Variants in PCDHA10 observed in about 807,000 individuals in gnomAD.
The protein encoded by PCDHA10 is protocadherin alpha-10.
PCDHA10 carries 45 observed loss-of-function variants against 61.2 expected under a neutral mutation model. The ratio of observed to expected loss-of-function variants is 0.74; its 90% CI spans 0.58 to 0.94. The LOEUF (loss-of-function observed/expected upper bound fraction) is 0.94. Among genes scored for constraint, PCDHA10 ranks in the 40% least tolerant of loss-of-function variants. PCDHA10 has a pLI of 0.00. For synonymous variants in PCDHA10, 602 were observed against 548.8 expected, an observed-to-expected ratio of 1.10 and a Z score of -1.35; for missense variants, 1,278 against 1,236.2, an observed-to-expected ratio of 1.03 and a Z score of -0.51.
In PCDHA10 at chr5:140,879,783, G is replaced by C. The variant is rs182330190; in HGVS notation, c.2388+21347G>C. Among the ~76,000 whole-genome samples, 12 of 152,280 alleles carry C rather than the reference G, an allele frequency of 7.9e-5. No homozygotes were observed. In the East Asian group the frequency reaches 2.3e-3, roughly 29 times the overall value. ...TTTGGAGGCCCCAGGGAAGAATCTGGTTTTTGTTTCTTCCAGTTTCTATTG... is the reference window on the plus strand; with the variant it reads ...TTTGGAGGCCCCAGGGAAGAATCTGCTTTTTGTTTCTTCCAGTTTCTATTG... On this transcript the variant is annotated intron_variant, in intron 1 of 3. Coordinates refer to ENST00000307360, the MANE Select transcript of PCDHA10 (RefSeq NM_018901.4).
chr5:140,953,858 T>C (rs568873240), intron 1 of PCDHA10, among the ~76,000 whole-genome samples: 10 of 152,328 alleles, frequency 6.6e-5, no homozygotes, highest in African/African-American at 1.9e-4. Flanking sequence ...TGTGCCATGG[T>C]GGTTTGCTGC....
At chr5:140,966,808 A>G (rs782040625) in intron 1 of PCDHA10, 5 of 1,548,024 alleles carry the variant, frequency 3.2e-6, no homozygotes, top group Non-Finnish European at 4.3e-6. Context: ...CAGAGCATCC[A>G]CGGCTCCGGC....
chr5:140,904,082 C>T (rs1189911248), intron 1 of PCDHA10, among the ~76,000 whole-genome samples: 3 of 152,108 alleles, frequency 2.0e-5, no homozygotes, highest in African/African-American at 7.2e-5. Context: ...TATTTGGTTA[C>T]ATGAATAACT....
Position 140,966,822 on chromosome 5 carries a change from C to A in PCDHA10, c.2389-12127C>A, listed in dbSNP as rs1329460642. 9 of 1,558,948 alleles carry A rather than the reference C, an allele frequency of 5.8e-6. No individual in the cohort carries two copies. In the Admixed American group the frequency reaches 7.5e-5, roughly 13 times the overall value. On this transcript the variant is annotated intron_variant, in intron 1 of 3. Transcript: ENST00000307360. ...ACAGAGCATCCACGGCTCCGGCGGC[C>A]CATGCCCTGGCTGCTGCTACTGCCT... is the stretch of plus-strand genomic sequence containing the variant.
chr5:140,906,720 G>A (rs2072884338), intron 1 of PCDHA10, among the ~76,000 whole-genome samples: 1 of 152,182 alleles, frequency 6.6e-6, no homozygotes, highest in African/African-American at 2.4e-5. Context: ...CCTGGATTGT[G>A]CTGTTGTAGT....
chr5:141,011,626 C>T lies in PCDHA10; in HGVS notation c.*1689C>T, dbSNP rs1340546254. 6.5e-6 allele frequency: 1 copy of T among 153,668 alleles called. No individual in the cohort carries two copies. Among genetic ancestry groups the T allele is most frequent in the Non-Finnish European group, 1.5e-5 (1 of 68,026 alleles). The allele number at this position is 153,668 out of a possible 1,614,324, so 9.5% of individuals were successfully genotyped here. On this transcript the variant is annotated 3_prime_UTR_variant, in exon 4 of 4. Transcript: ENST00000307360. Reference sequence around the variant, plus strand: ...ATTTTATTTATGGTCCAGCCAAGAGCCATCTCGTGCCAAGACTTCTGCTGG... The same window carrying T: ...ATTTTATTTATGGTCCAGCCAAGAGTCATCTCGTGCCAAGACTTCTGCTGG...
At chr5:140,927,641 CTG>C (rs782418145) in intron 1 of PCDHA10, 23 of 1,614,074 alleles carry the variant, frequency 1.4e-5, no homozygotes, top group Non-Finnish European at 1.4e-5. Flanking sequence ...CCCAATGGGA[CTG>C]TGTTATTCCG....
At chr5:140,877,317 G>A (rs535177109) in intron 1 of PCDHA10, 1 of 1,613,886 alleles carries the variant, frequency 6.2e-7, no homozygotes. Context: ...AACCGGCGGC[G>A]GTCGGCGCGC....
intron 1 of PCDHA10, among the ~76,000 whole-genome samples, chr5:140,943,273 A>G (rs1451221832): frequency 1.3e-5 from 2 of 150,472 alleles, no homozygotes; most frequent in East Asian, 1.9e-4. Flanking sequence ...AAAAAAAAAA[A>G]AAAAGAAAGA....
intron 1 of PCDHA10, among the ~76,000 whole-genome samples, chr5:140,908,256 A>T (rs192899359): frequency 6.6e-6 from 1 of 152,130 alleles, no homozygotes; most frequent in Non-Finnish European, 1.5e-5. Context: ...AACTGATCAT[A>T]GGGAACTCCC....
intron 1 of PCDHA10, among the ~76,000 whole-genome samples, chr5:140,975,707 A>C (rs1445809800): frequency 6.6e-6 from 1 of 152,204 alleles, no homozygotes; most frequent in African/African-American, 2.4e-5. Context: ...ATTTTACTTT[A>C]AATCTTAGAA....
intron 1 of PCDHA10, chr5:140,866,579 G>A (rs2049440989): frequency 6.6e-6 from 1 of 152,136 alleles, no homozygotes; most frequent in African/African-American, 2.4e-5. Context: ...ACAGTGGTTG[G>A]ATAATGTAAT....
chr5:140,884,798 A>C, intron 1 of PCDHA10: 3 of 1,275,332 alleles, frequency 2.4e-6, no homozygotes, highest in Non-Finnish European at 3.2e-6. Flanking sequence ...TATCGAATTT[A>C]ACAACTCTGC....
intron 1 of PCDHA10, among the ~76,000 whole-genome samples, chr5:140,920,583 C>T (rs1287573835): frequency 1.3e-5 from 2 of 152,106 alleles, no homozygotes; most frequent in African/African-American, 4.8e-5. Flanking sequence ...CAGTGGCTCA[C>T]GCCTGTAATC....
intron 1 of PCDHA10, among the ~76,000 whole-genome samples, chr5:140,925,071 C>T (rs1554202476): frequency 6.8e-6 from 1 of 148,058 alleles, no homozygotes; most frequent in Non-Finnish European, 1.5e-5. Context: ...CAAAGCAACA[C>T]GCTCATCTGG....
In PCDHA10 at chr5:141,010,365, A is replaced by G; in HGVS notation, c.*428A>G. 6.8e-7 allele frequency: 1 copy of G among 1,480,028 alleles called. No individual in the cohort carries two copies. The highest frequency in any genetic ancestry group is 1.3e-5 in the South Asian group (1 of 75,134). The allele number at this position is 1,480,028 out of a possible 1,614,324, so 91.7% of individuals were successfully genotyped here. On this transcript the variant is annotated 3_prime_UTR_variant, in exon 4 of 4. Coordinates refer to ENST00000307360, the MANE Select transcript of PCDHA10 (RefSeq NM_018901.4). Reference sequence around the variant, plus strand: ...CTGGGTATGTGTGGCTACCGCGGGTATGCGAGTGCCAGATATTGGCTGAGA... The same window carrying G: ...CTGGGTATGTGTGGCTACCGCGGGTGTGCGAGTGCCAGATATTGGCTGAGA...
In PCDHA10 at chr5:140,858,296, C is replaced by A; in HGVS notation, c.2248C>A (p.Gln750Lys). The A allele has an allele frequency of 1.3e-6, 2 of 1,597,508 alleles. No homozygotes were observed. Among genetic ancestry groups the A allele is most frequent in the Non-Finnish European group, 1.7e-6 (2 of 1,167,240 alleles). The change falls in exon 1 of 4, where the codon CAG (glutamine) becomes AAG (lysine). Residue 750 changes from glutamine (Q) to lysine (K), a missense_variant. Transcript: ENST00000307360. ...SSAVGSWSYSQQRRQRVCSGE... is the reference protein window; with the variant it reads ...SSAVGSWSYSKQRRQRVCSGE... ...CGCGGTGGGGAGCTGGTCTTACTCG[C>A]AGCAGAGGCGGCAGAGGGTGTGTTC...
intron 1 of PCDHA10, among the ~76,000 whole-genome samples, chr5:140,889,476 C>G (rs2062241146): frequency 6.6e-6 from 1 of 152,054 alleles, no homozygotes; most frequent in South Asian, 2.1e-4. Flanking sequence ...TATGCTCATA[C>G]TTTCTACAGA....
At position 140,856,362 on chromosome 5, in the gene PCDHA10, T is replaced by A; in HGVS notation, c.314T>A (p.Leu105Gln). 1.9e-6 allele frequency: 3 copies of A among 1,598,570 alleles called. No homozygotes were observed. Among genetic ancestry groups the A allele is most frequent in the Non-Finnish European group, 2.6e-6 (3 of 1,167,978 alleles). The change falls in exon 1 of 4, where the codon CTG (leucine) becomes CAG (glutamine). Residue 105 changes from leucine to glutamine, a missense_variant. By Grantham distance (113) the Leu-to-Gln change is moderately radical. Transcript: ENST00000307360. ...CGGAGCGTGGAGTGCAGCATCCACC[T>A]GGAGGTGATCGTGGACAGGCCGCTG... ...CGRSVECSIHLEVIVDRPLQV... is the reference protein window; with the variant it reads ...CGRSVECSIHQEVIVDRPLQV...
Sources: allele counts gnomAD v4.1 joint callset (sites outside exome capture counted in the v4.1 genomes callset), GRCh38; gene constraint gnomAD v4.1.1; transcripts MANE v1.5; gene names NCBI Gene and HGNC (gene_info 2026-07-23, HGNC 2026-07-21).